The following C2orf78 variants were observed in gnomAD, a reference collection of about 807,000 sequenced individuals.
The protein encoded by C2orf78 is uncharacterized protein C2orf78.
Under a neutral mutation model 21.4 loss-of-function variants are expected in C2orf78, and 12 were observed. The ratio of observed to expected loss-of-function variants is 0.56; its 90% CI spans 0.36 to 0.91. The LOEUF is 0.91. Among genes scored for constraint, C2orf78 ranks in the 40% least tolerant of loss-of-function variants. C2orf78 has a pLI of 0.01. For missense variants in C2orf78, 1,042 were observed against 1,092.4 expected (o/e 0.95, Z 0.65); for synonymous variants, 396 against 413.9 (o/e 0.96, Z 0.52).
exon 3 of C2orf78, chr2:73,815,816 G>T (rs775158855): frequency 3.7e-6 from 6 of 1,613,686 alleles, no homozygotes; most frequent in Non-Finnish European, 5.1e-6. Flanking sequence ...AGAGAGAAGT[G>T]GTTGTTGGCA....
intron 1 of C2orf78, among the ~76,000 whole-genome samples, chr2:73,785,802 T>C (rs960721130): frequency 1.6e-4 from 24 of 152,006 alleles, no homozygotes; most frequent in African/African-American, 5.8e-4. Flanking sequence ...ATCCCAGCAC[T>C]TTGGGAGGCC....
chr2:73,786,165 A>C (rs1160479103), intron 1 of C2orf78, among the ~76,000 whole-genome samples: 1 of 152,108 alleles, frequency 6.6e-6, no homozygotes, highest in South Asian at 2.1e-4. Context: ...GGATTGCCTG[A>C]GGTCAGAAGT....
At chr2:73,815,988 C>G in exon 3 of C2orf78, 1 of 1,613,844 alleles carries the variant, frequency 6.2e-7, no homozygotes, top group Non-Finnish European at 8.5e-7. Context: ...AGAGAGTAAG[C>G]AGTCAGGGAA....
chr2:73,815,218 G>A, exon 3 of C2orf78: 1 of 1,613,878 alleles, frequency 6.2e-7, no homozygotes, highest in Non-Finnish European at 8.5e-7. Flanking sequence ...CCTGAGCTTG[G>A]GGACATTTCA....
chr2:73,811,197 A>G (rs1362612499), intron 1 of C2orf78, among the ~76,000 whole-genome samples: 3 of 151,844 alleles, frequency 2.0e-5, no homozygotes, highest in Non-Finnish European at 4.4e-5. Flanking sequence ...AGGCTTAGGC[A>G]GGAGAATCTC....
intron 1 of C2orf78, among the ~76,000 whole-genome samples, chr2:73,809,294 T>C (rs1055074625): frequency 2.0e-4 from 30 of 152,204 alleles, no homozygotes; most frequent in African/African-American, 7.0e-4. Context: ...AGATGTTTCA[T>C]GTGTAATAGT....
At chr2:73,784,466 T>A (rs1672883686) in intron 1 of C2orf78, 60 bp downstream of exon 1, 2 of 581,152 alleles carry the variant, frequency 3.4e-6, no homozygotes, top group East Asian at 6.0e-5. Flanking sequence ...TAAATTTAGA[T>A]TTCTTTCCCC....
intron 1 of C2orf78, among the ~76,000 whole-genome samples, chr2:73,812,975 T>C (rs185677017): frequency 3.3e-5 from 5 of 152,344 alleles, no homozygotes; most frequent in Admixed American, 2.0e-4. Context: ...TCCTGGTTTC[T>C]GGTCTATGCT....
chr2:73,810,213 GT>G (rs954066447), intron 1 of C2orf78, among the ~76,000 whole-genome samples: 1 of 152,000 alleles, frequency 6.6e-6, no homozygotes, highest in Non-Finnish European at 1.5e-5. Context: ...ACACTTGACA[GT>G]TTTTAATATA....
intron 1 of C2orf78, among the ~76,000 whole-genome samples, chr2:73,808,003 C>A (rs1468713142): frequency 1.3e-5 from 2 of 151,114 alleles, no homozygotes; most frequent in African/African-American, 4.9e-5. Context: ...CGCCTGTAAT[C>A]CCAGCACTTT....
At position 73,810,763 on chromosome 2, in the gene C2orf78, A is replaced by AAT. The variant is rs201058984; in HGVS notation, c.98-2704_98-2703dup. On this transcript the variant is annotated intron_variant, in intron 1 of 2. Coordinates refer to ENST00000409561, the Ensembl canonical transcript of C2orf78. The stretch of plus-strand genomic sequence containing the variant: ...ATACATGTATATTTTATGTATATAT[A>AAT]ATATATATATAAAATATACATGTAT... Among the ~76,000 whole-genome samples, 18 of 131,432 alleles carry AAT rather than the reference A, an allele frequency of 1.4e-4. No individual in the cohort carries two copies. The South Asian group carries it at 1.7e-3, about 13-fold the overall frequency. The allele number at this position is 131,432 out of a possible 152,430, so 86.2% of individuals were successfully genotyped here. A position where few individuals can be genotyped will look rare whatever the true frequency, so the allele number is the denominator to read the frequency against.
chr2:73,808,162 G>A (rs546989659), intron 1 of C2orf78, among the ~76,000 whole-genome samples: 1 of 150,968 alleles, frequency 6.6e-6, no homozygotes, highest in Non-Finnish European at 1.5e-5. Context: ...TCTGAGGCAG[G>A]AGAATGGCGT....
exon 3 of C2orf78, chr2:73,816,729 C>G: frequency 6.2e-7 from 1 of 1,613,942 alleles, no homozygotes; most frequent in Non-Finnish European, 8.5e-7. Flanking sequence ...GACCAGTCTC[C>G]GGTCACTGCC....
exon 3 of C2orf78, chr2:73,816,873 A>C: frequency 2.5e-6 from 4 of 1,613,992 alleles, no homozygotes; most frequent in Non-Finnish European, 3.4e-6. Flanking sequence ...GGCCATGAAG[A>C]GAAAGGCTCA....
At chr2:73,812,539 A>G (rs1673110598) in intron 1 of C2orf78, among the ~76,000 whole-genome samples, 1 of 152,060 alleles carries the variant, frequency 6.6e-6, no homozygotes, top group East Asian at 1.9e-4. Flanking sequence ...TGTGGCTCAC[A>G]CCTGTAATCC....
chr2:73,808,580 A>G (rs563862071), intron 1 of C2orf78, among the ~76,000 whole-genome samples: 3 of 149,612 alleles, frequency 2.0e-5, no homozygotes, highest in Admixed American at 2.0e-4. Context: ...GTGCTGTTAC[A>G]CCTTTCCTAC....
chr2:73,814,089 A>G, exon 2 of C2orf78: 1 of 1,613,404 alleles, frequency 6.2e-7, no homozygotes, highest in South Asian at 1.1e-5. Context: ...TACACAGGAT[A>G]TAGGGCTTCT....
At chr2:73,816,173 C>A (rs753364861) in exon 3 of C2orf78, 5 of 1,613,950 alleles carry the variant, frequency 3.1e-6, no homozygotes, top group Non-Finnish European at 4.2e-6. Context: ...AAACTGGATT[C>A]TCTTCCTCCA....
At chr2:73,816,050 A>C in exon 3 of C2orf78, 1 of 1,613,964 alleles carries the variant, frequency 6.2e-7, no homozygotes, top group Non-Finnish European at 8.5e-7. Context: ...AACGGAAGAA[A>C]AATCAACCTG....
Sources: gnomAD v4.1 joint callset for allele counts (sites outside exome capture counted in the v4.1 genomes callset) on GRCh38, gnomAD v4.1.1 for gene constraint, MANE v1.5 for transcripts, NCBI Gene and HGNC (gene_info 2026-07-23, HGNC 2026-07-21) for gene names.